Variants in BBIP1 observed in about 807,000 individuals in gnomAD.
BBIP1 encodes the protein BBSome interacting protein 1, also known as BBSome-interacting protein 1.
BBIP1 carries 6 observed loss-of-function variants against 8.9 expected under a neutral mutation model. The observed-to-expected ratio is 0.67, with a 90% CI of 0.37 to 1.33. BBIP1 has a LOEUF of 1.33. Among genes scored for constraint, BBIP1 ranks in the 40% most tolerant of loss-of-function variants. BBIP1 has a pLI of 0.02. For synonymous variants in BBIP1, 32 were observed against 33.4 expected (o/e 0.96, Z 0.14); for missense variants, 111 against 109.2 (o/e 1.02, Z -0.07).
intron 2 of BBIP1, chr10:110,904,170 A>C (rs1313367572): frequency 1.3e-5 from 2 of 152,230 alleles, no homozygotes; most frequent in East Asian, 1.9e-4. Flanking sequence ...CAGATGGGCC[A>C]AGGGAGAAAC....
At chr10:110,904,014 C>T (rs773913470) in intron 2 of BBIP1, 1 of 152,182 alleles carries the variant, frequency 6.6e-6, no homozygotes. Context: ...CTGCTGATCA[C>T]GTTGGTATAC....
At chr10:110,902,161 G>A (rs1268522401) in intron 2 of BBIP1, 1 of 154,348 alleles carries the variant, frequency 6.5e-6, no homozygotes, top group East Asian at 1.9e-4. Flanking sequence ...AATTGGTAAC[G>A]AAGTAATACA....
rs549195753 is a variant in BBIP1, at chr10:110,910,549, G to A, written c.37+7572C>T. ...TTAGTAAGGAAGCTATAATTGTTTA[G>A]GTAAGATGATGAAAGTATGAATTAA... On this transcript the variant is annotated intron_variant, in intron 2 of 3. Transcript: ENST00000448814. The A allele has an allele frequency of 6.6e-5, 10 of 152,286 alleles. No homozygotes were observed. The East Asian group carries it at 1.5e-3, about 23-fold the overall frequency. 9.4% of individuals were successfully genotyped at this position (152,286 alleles called of 1,614,324 possible).
Position 110,899,551 on chromosome 10 carries a change from A to G in BBIP1, c.*809T>C, listed in dbSNP as rs1256381142. The G allele has an allele frequency of 6.6e-6, 1 of 152,308 alleles. No individual in the cohort carries two copies. The highest frequency in any genetic ancestry group is 1.9e-4 in the East Asian group (1 of 5,202). The allele number at this position is 152,308 out of a possible 1,614,324, so 9.4% of individuals were successfully genotyped here. ...GGTGGCTCATGCCTGTAATCCCAGC[A>G]CTTTGGGAGGCCGAGGTGGGCGGAT... On this transcript the variant is annotated 3_prime_UTR_variant, in exon 4 of 4. Coordinates refer to ENST00000448814, the MANE Select transcript of BBIP1 (RefSeq NM_001195305.3).
intron 2 of BBIP1, chr10:110,903,659 GA>G (rs1479733416): frequency 6.6e-6 from 1 of 152,252 alleles, no homozygotes; most frequent in Non-Finnish European, 1.5e-5. Context: ...TATGTTCTGA[GA>G]AATGCATCAT....
In BBIP1 at chr10:110,919,109, G is replaced by C. The variant is rs1168371423; in HGVS notation, c.-57+12C>G. On this transcript the variant is annotated intron_variant, in intron 1 of 3. Coordinates refer to ENST00000448814, the MANE Select transcript of BBIP1 (RefSeq NM_001195305.3). ...GTGTGGTCACCCACGGTACCTCTTT[G>C]GGCTTACTTACAGATGCATCCCTTC... 6.5e-6 allele frequency: 1 copy of C among 153,426 alleles called. No homozygotes were observed. Among genetic ancestry groups the C allele is most frequent in the Non-Finnish European group, 1.5e-5 (1 of 68,952 alleles). 9.5% of individuals were successfully genotyped at this position (153,426 alleles called of 1,614,324 possible).
At chr10:110,919,363 A>T (rs3750620), upstream of BBIP1, 18,155 of 382,506 alleles carry the variant, frequency 0.047, 510 homozygotes, top group South Asian at 0.086. Flanking sequence ...GGCGTAGAGG[A>T]ACTGAGGAAA....
chr10:110,917,162 T>G (rs376152879), intron 2 of BBIP1, among the ~76,000 whole-genome samples: 126 of 147,048 alleles, frequency 8.6e-4, no homozygotes, highest in African/African-American at 3.0e-3. Context: ...TCTACTACAT[T>G]AAAGCTAAAG....
intron 2 of BBIP1, chr10:110,903,574 C>T (rs1846058174): frequency 6.6e-6 from 1 of 152,276 alleles, no homozygotes; most frequent in Non-Finnish European, 1.5e-5. Flanking sequence ...GGCTGGGCTA[C>T]ACTTTGTTGA....
intron 2 of BBIP1, among the ~76,000 whole-genome samples, chr10:110,908,442 TAAGA>T (rs1023301152): frequency 7.2e-5 from 11 of 152,204 alleles, no homozygotes; most frequent in Admixed American, 1.3e-4. Flanking sequence ...CATCCATTAC[TAAGA>T]AAGGGTTAAG....
At chr10:110,905,511 G>T (rs1021295423) in intron 2 of BBIP1, among the ~76,000 whole-genome samples, 2 of 151,804 alleles carry the variant, frequency 1.3e-5, no homozygotes, top group Non-Finnish European at 2.9e-5. Context: ...GCAGTGAGCC[G>T]AGATCGTGCC....
chr10:110,917,715 A>G (rs959686181), intron 2 of BBIP1, among the ~76,000 whole-genome samples: 4 of 152,232 alleles, frequency 2.6e-5, no homozygotes, highest in African/African-American at 7.2e-5. Flanking sequence ...ACTTTCAGTA[A>G]GTATTTACCA....
chr10:110,905,718 A>T (rs1846116184), intron 2 of BBIP1, among the ~76,000 whole-genome samples: 2 of 152,204 alleles, frequency 1.3e-5, no homozygotes, highest in South Asian at 2.1e-4. Context: ...GCATACTCCC[A>T]AAGAGATTTT....
chr10:110,904,185 C>G (rs1390266533), intron 2 of BBIP1: 2 of 152,218 alleles, frequency 1.3e-5, no homozygotes, highest in Non-Finnish European at 2.9e-5. Context: ...AGAAACATAA[C>G]AGCTATGGCT....
intron 2 of BBIP1, among the ~76,000 whole-genome samples, chr10:110,905,286 G>A (rs945857554): frequency 4.0e-5 from 6 of 151,252 alleles, no homozygotes; most frequent in African/African-American, 1.5e-4. Flanking sequence ...TGTGGGGGCT[G>A]GGCGCGGTGG....
At chr10:110,918,277 ATCT>A in intron 1 of BBIP1, 64 bp from the exon 2 acceptor site, 2 of 817,928 alleles carry the variant, frequency 2.4e-6, no homozygotes, top group Non-Finnish European at 3.9e-6. Context: ...ATTTTCAAAA[ATCT>A]TCAACACGTT....
chr10:110,900,678 A>C (rs1845973121), intron 3 of BBIP1, 152 bp from the exon 4 acceptor site: 1 of 629,466 alleles, frequency 1.6e-6, no homozygotes. Flanking sequence ...AACCAGAAAG[A>C]TCATTGTCAT....
chr10:110,912,968 A>G (rs1846314278), intron 2 of BBIP1, among the ~76,000 whole-genome samples: 1 of 152,218 alleles, frequency 6.6e-6, no homozygotes, highest in African/African-American at 2.4e-5. Context: ...GTTTTAAATA[A>G]ACTATGACAG....
chr10:110,904,647 G>A (rs1846086964), intron 2 of BBIP1: 1 of 152,162 alleles, frequency 6.6e-6, no homozygotes, highest in South Asian at 2.1e-4. Context: ...AACTAAATAT[G>A]CACAATTTTG....
Sources: allele counts gnomAD v4.1 joint callset (sites outside exome capture counted in the v4.1 genomes callset), GRCh38; gene constraint gnomAD v4.1.1; transcripts MANE v1.5; gene names NCBI Gene and HGNC (gene_info 2026-07-23, HGNC 2026-07-21).